The following ANKRD22 variants were observed in gnomAD, a reference collection of about 807,000 sequenced individuals.
The protein encoded by ANKRD22 is ankyrin repeat domain-containing protein 22.
A neutral mutation model predicts 25.7 loss-of-function variants in ANKRD22; 24 were observed. The observed-to-expected ratio is 0.93, with a 90% CI of 0.68 to 1.31. The LOEUF (loss-of-function observed/expected upper bound fraction) is 1.31. Among genes scored for constraint, ANKRD22 ranks in the 50% most tolerant of loss-of-function variants. The pLI, the probability that ANKRD22 is intolerant of heterozygous loss-of-function variation, is 0.00. For missense variants in ANKRD22, 214 were observed against 227.1 expected, an observed-to-expected ratio of 0.94 and a Z score of 0.37; for synonymous variants, 84 against 84.3, an observed-to-expected ratio of 1.00 and a Z score of 0.02.
chr10:88,849,725 A>G (rs1844085814), intron 1 of ANKRD22, among the ~76,000 whole-genome samples: 1 of 152,166 alleles, frequency 6.6e-6, no homozygotes, highest in Non-Finnish European at 1.5e-5. Context: ...TGTAAATATT[A>G]TGAACAAATA....
chr10:88,836,406 A>C (rs1843954629), intron 1 of ANKRD22, among the ~76,000 whole-genome samples: 1 of 152,218 alleles, frequency 6.6e-6, no homozygotes, highest in Admixed American at 6.5e-5. Context: ...GTTATTGAGT[A>C]GCTCAGTTAT....
intron 3 of ANKRD22, among the ~76,000 whole-genome samples, chr10:88,827,937 GA>G (rs1235368115): frequency 6.6e-6 from 1 of 151,680 alleles, no homozygotes; most frequent in Non-Finnish European, 1.5e-5. Flanking sequence ...ACCCTATTGG[GA>G]AAAAAAACCA....
chr10:88,829,355 A>G (rs903679830), intron 2 of ANKRD22, among the ~76,000 whole-genome samples: 2 of 152,224 alleles, frequency 1.3e-5, no homozygotes, highest in Non-Finnish European at 1.5e-5. Context: ...GTTTCCACTT[A>G]TGCAAGGCAC....
At chr10:88,826,860 AT>A (rs1388802048) in intron 3 of ANKRD22, among the ~76,000 whole-genome samples, 2 of 152,164 alleles carry the variant, frequency 1.3e-5, no homozygotes. Context: ...TCTAACTCTC[AT>A]GGGGTAAAAA....
intron 1 of ANKRD22, among the ~76,000 whole-genome samples, chr10:88,840,786 T>C (rs991118351): frequency 5.9e-5 from 9 of 152,204 alleles, no homozygotes; most frequent in African/African-American, 1.9e-4. Context: ...TGGGTTTAAT[T>C]TGATTTCTAC....
At chr10:88,825,416 A>G (rs1039995137) in intron 4 of ANKRD22, among the ~76,000 whole-genome samples, 1 of 152,242 alleles carries the variant, frequency 6.6e-6, no homozygotes, top group African/African-American at 2.4e-5. Flanking sequence ...GGATGCTGCT[A>G]CTGTTGTTAT....
chr10:88,832,357 C>T (rs1843912847), intron 1 of ANKRD22, among the ~76,000 whole-genome samples: 1 of 151,984 alleles, frequency 6.6e-6, no homozygotes, highest in South Asian at 2.1e-4. Flanking sequence ...GTCGGAAAAG[C>T]ATTCATTTTC....
chr10:88,849,006 ATGTGTGTG>A (rs113459404), intron 1 of ANKRD22, among the ~76,000 whole-genome samples: 17 of 149,234 alleles, frequency 1.1e-4, no homozygotes, highest in Non-Finnish European at 2.1e-4. Flanking sequence ...GTGCATGTGC[ATGTGTGTG>A]TGTGTGTGTG....
rs531268735 is a variant in ANKRD22 at position 88,846,911 on chromosome 10, C to T, written c.21+4676G>A. Among the ~76,000 whole-genome samples, 230 of 152,274 alleles carry T rather than the reference C, an allele frequency of 1.5e-3. 1 individual carries two copies. Among genetic ancestry groups the T allele is most frequent in the Middle Eastern group, 3.4e-3 (1 of 294 alleles). On this transcript the variant is annotated intron_variant, in intron 1 of 5. Transcript: ENST00000371930. ...TTGGCAAACTCATCAATAAATTTCT[C>T]TGCTGCTTTCTGATCAGCAGATGTT...
chr10:88,840,523 A>G (rs1399879494), intron 1 of ANKRD22, among the ~76,000 whole-genome samples: 3 of 152,152 alleles, frequency 2.0e-5, no homozygotes, highest in Non-Finnish European at 4.4e-5. Context: ...TCCCAATCTA[A>G]GGAAAGACTG....
intron 3 of ANKRD22, among the ~76,000 whole-genome samples, chr10:88,826,575 C>T (rs926646918): frequency 6.6e-6 from 1 of 152,214 alleles, no homozygotes; most frequent in African/African-American, 2.4e-5. Flanking sequence ...GTTCTACTTA[C>T]ATTGGCCTTT....
At chr10:88,832,988 T>C (rs1405332040) in intron 1 of ANKRD22, among the ~76,000 whole-genome samples, 1 of 152,226 alleles carries the variant, frequency 6.6e-6, no homozygotes, top group Non-Finnish European at 1.5e-5. Context: ...AATTTAATTT[T>C]CATTTTATCC....
intron 1 of ANKRD22, among the ~76,000 whole-genome samples, chr10:88,839,985 T>G (rs1843989621): frequency 6.6e-6 from 1 of 152,142 alleles, no homozygotes; most frequent in Non-Finnish European, 1.5e-5. Flanking sequence ...ACAGTGAGGG[T>G]TGAGAATCTC....
intron 1 of ANKRD22, among the ~76,000 whole-genome samples, chr10:88,848,805 C>T (rs1456062867): frequency 6.6e-6 from 1 of 152,172 alleles, no homozygotes; most frequent in Non-Finnish European, 1.5e-5. Flanking sequence ...TTCCTGTATT[C>T]CCTGACTTCT....
intron 5 of ANKRD22, 39 bp from the exon 6 acceptor site, chr10:88,823,057 G>A: frequency 7.0e-6 from 11 of 1,582,018 alleles, no homozygotes; most frequent in Non-Finnish European, 9.6e-6. Flanking sequence ...CCAATAGAGT[G>A]CCCAAGATCT....
chr10:88,842,712 G>A (rs934803134), intron 1 of ANKRD22, among the ~76,000 whole-genome samples: 2 of 152,058 alleles, frequency 1.3e-5, no homozygotes, highest in Admixed American at 1.3e-4. Context: ...TTCAGTTAAA[G>A]AATTTGGATT....
At chr10:88,835,783 T>C (rs550626395) in intron 1 of ANKRD22, among the ~76,000 whole-genome samples, 1 of 152,252 alleles carries the variant, frequency 6.6e-6, no homozygotes, top group South Asian at 2.1e-4. Flanking sequence ...TCCATGCTGT[T>C]ATGAACTTGC....
At chr10:88,848,510 G>C (rs1190312905) in intron 1 of ANKRD22, among the ~76,000 whole-genome samples, 1 of 152,076 alleles carries the variant, frequency 6.6e-6, no homozygotes, top group Non-Finnish European at 1.5e-5. Flanking sequence ...AATCTTGCTA[G>C]GAGTTCATAC....
intron 1 of ANKRD22, among the ~76,000 whole-genome samples, chr10:88,850,214 T>C (rs1005891943): frequency 4.6e-5 from 7 of 151,992 alleles, no homozygotes; most frequent in Non-Finnish European, 1.0e-4. Flanking sequence ...AAACTATAGA[T>C]GAAAGGTCCT....
Sources: gnomAD v4.1 joint callset for allele counts (sites outside exome capture counted in the v4.1 genomes callset) on GRCh38, gnomAD v4.1.1 for gene constraint, MANE v1.5 for transcripts, NCBI Gene and HGNC (gene_info 2026-07-23, HGNC 2026-07-21) for gene names.